Variants in MSANTD2 observed in about 807,000 individuals in gnomAD.
MSANTD2 encodes the protein Myb/SANT DNA binding domain containing 2.
MSANTD2 carries 19 observed loss-of-function variants against 52.6 expected under a neutral mutation model. The ratio of observed to expected loss-of-function variants is 0.36; its 90% CI spans 0.25 to 0.53. The LOEUF (loss-of-function observed/expected upper bound fraction) is 0.53. Ranked by LOEUF, MSANTD2 falls within the 20% of genes least tolerant of loss-of-function variation. MSANTD2 has a pLI of 0.91. For synonymous variants in MSANTD2, 291 were observed against 289.7 expected (o/e 1.00, Z -0.04); for missense variants, 558 against 716.3 (o/e 0.78, Z 2.52).
In MSANTD2 at chr11:124,774,712, T is replaced by G. The variant is rs762654953; in HGVS notation, c.766+7A>C. On this transcript the variant is annotated splice_region_variant and intron_variant, in intron 2 of 3. Transcript: ENST00000374979. The surrounding 1 kb of genome is among the most constrained non-coding windows in gnomAD (Gnocchi z 5.1). ...AACATAAGTATCATATATGTTGGCT[T>G]TCTTACCCAATTCCTGATCTGTTGG... The G allele has an allele frequency of 1.2e-6, 2 of 1,613,672 alleles. No homozygotes were observed. Among genetic ancestry groups the G allele is most frequent in the East Asian group, 4.5e-5 (2 of 44,890 alleles).
At chr11:124,792,539 G>C (rs938352491) in intron 1 of MSANTD2, 1 of 152,166 alleles carries the variant, frequency 6.6e-6, no homozygotes, top group East Asian at 1.9e-4. Flanking sequence ...CTACCTTTGA[G>C]TCCACCTTCA....
intron 1 of MSANTD2, chr11:124,792,260 T>C (rs1945357138): frequency 6.6e-6 from 1 of 152,408 alleles, no homozygotes; most frequent in Non-Finnish European, 1.5e-5. Flanking sequence ...GTATGTTCAC[T>C]ATAATGTCAT....
Position 124,800,353 on chromosome 11 carries a change from G to C in MSANTD2, c.28C>G (p.Pro10Ala). The C allele has an allele frequency of 6.5e-7, 1 of 1,543,196 alleles. No homozygotes were observed. The highest frequency in any genetic ancestry group is 8.7e-7 in the Non-Finnish European group (1 of 1,146,564). Residue 10 changes from proline to alanine, a missense_variant, in exon 1 of 4, where the codon CCC becomes GCC. Physicochemically the swap from Pro to Ala is conservative, Grantham distance 27. Around this residue, in one of 2 missense-constraint regions of MSANTD2, gnomAD observed 150 missense variants for 142.7 expected, o/e 1.05. Coordinates refer to ENST00000374979, the MANE Select transcript of MSANTD2 (RefSeq NM_001308027.2). The surrounding 1 kb of genome is among the most constrained non-coding windows in gnomAD (Gnocchi z 4.3). MAAPCGSELPANSPLKIPKM... is the reference protein window; with the variant it reads MAAPCGSELAANSPLKIPKM... Reference sequence around the variant, plus strand: ...GGAATTTTTAGCGGCGAGTTGGCGGGCAGCTCCGAGCCACAGGGCGCAGCC... The same window carrying C: ...GGAATTTTTAGCGGCGAGTTGGCGGCCAGCTCCGAGCCACAGGGCGCAGCC...
chr11:124,784,715 A>G (rs1591464293), intron 1 of MSANTD2: 1 of 955,610 alleles, frequency 1.0e-6, no homozygotes, highest in East Asian at 1.2e-4. Context: ...TAGTGCAAAG[A>G]TAACCTATAA....
intron 1 of MSANTD2, chr11:124,790,969 T>C (rs1174139865): frequency 5.8e-6 from 2 of 342,358 alleles, no homozygotes; most frequent in Non-Finnish European, 1.1e-5. Flanking sequence ...CACTGTATTA[T>C]CTTCTAGTCC....
chr11:124,794,493 T>C (rs1473057918), intron 1 of MSANTD2, among the ~76,000 whole-genome samples: 1 of 152,142 alleles, frequency 6.6e-6, no homozygotes, highest in Non-Finnish European at 1.5e-5. Context: ...ACTAAATATA[T>C]AAAAAATAAC....
At chr11:124,783,737 C>T in intron 1 of MSANTD2, 1 of 985,208 alleles carries the variant, frequency 1.0e-6, no homozygotes, top group South Asian at 4.7e-5. Flanking sequence ...TTCCTTCATG[C>T]TAGCAGCTGA....
chr11:124,793,796 A>ATT lies in MSANTD2; in HGVS notation c.510+6073_510+6074dup, dbSNP rs11353173. Among the ~76,000 whole-genome samples the ATT allele has an allele frequency of 6.8e-3, 1,013 of 148,478 alleles. 9 individuals are homozygous for ATT. Among genetic ancestry groups the ATT allele is most frequent in the African/African-American group, 0.023 (936 of 40,638 alleles). On this transcript the variant is annotated intron_variant, in intron 1 of 3. Transcript: ENST00000374979. ...GCACCACCTCCTGGAATGGCAGGCC[A>ATT]TTTTTTTTTTTTACTTTTATCAAGA...
At position 124,767,435 on chromosome 11, in the gene MSANTD2, T is replaced by A; in HGVS notation, c.1421A>T (p.Tyr474Phe). ...QVEIEPTRII[Y>F]CYLGIAEVRT... ...GACCTCAGCAATCCCGAGGTAGCAATAGATAATTCGGGTGGGTTCTATTTC... is the reference window on the plus strand; with the variant it reads ...GACCTCAGCAATCCCGAGGTAGCAAAAGATAATTCGGGTGGGTTCTATTTC... Residue 474 changes from tyrosine to phenylalanine, a missense_variant, in exon 4 of 4, where the codon TAT becomes TTT. This residue lies in a region of MSANTD2 where 408 missense variants were observed against 573.6 expected (regional missense o/e 0.71). Transcript: ENST00000374979. The surrounding 1 kb of genome is among the most constrained non-coding windows in gnomAD (Gnocchi z 6.5). 6.2e-7 allele frequency: 1 copy of A among 1,614,146 alleles called. No individual in the cohort carries two copies. The highest frequency in any genetic ancestry group is 8.5e-7 in the Non-Finnish European group (1 of 1,180,020).
intron 1 of MSANTD2, among the ~76,000 whole-genome samples, chr11:124,782,452 C>A (rs1265799093): frequency 3.3e-5 from 5 of 151,744 alleles, no homozygotes; most frequent in African/African-American, 1.2e-4. Flanking sequence ...ACCCCTGTCT[C>A]TAAAAAAAAT....
chr11:124,784,237 A>C (rs1441763579), intron 1 of MSANTD2: 1 of 985,184 alleles, frequency 1.0e-6, no homozygotes, highest in Non-Finnish European at 1.2e-6. Flanking sequence ...ATCACCTCTG[A>C]AGTTGCTAAG....
At chr11:124,796,725 G>C (rs1289744698) in intron 1 of MSANTD2, among the ~76,000 whole-genome samples, 1 of 152,170 alleles carries the variant, frequency 6.6e-6, no homozygotes, top group African/African-American at 2.4e-5. Context: ...ACTTTAGTCT[G>C]CGTAAGAAGT....
At chr11:124,791,381 G>A (rs764257502) in intron 1 of MSANTD2, 23 of 1,367,648 alleles carry the variant, frequency 1.7e-5, no homozygotes, top group Non-Finnish European at 2.2e-5. Flanking sequence ...GCATCATTAC[G>A]GGCTACATCA....
chr11:124,767,447 G>T lies in MSANTD2; in HGVS notation c.1409C>A (p.Thr470Asn). ...QASLQVEIEP[T>N]RIIYCYLGIA... ...CCCGAGGTAGCAATAGATAATTCGGGTGGGTTCTATTTCCACCTGTAATGA... is the reference window on the plus strand; with the variant it reads ...CCCGAGGTAGCAATAGATAATTCGGTTGGGTTCTATTTCCACCTGTAATGA... The change falls in exon 4 of 4, where the codon ACC becomes AAC. Residue 470 changes from threonine to asparagine, a missense_variant. Coordinates refer to ENST00000374979, the MANE Select transcript of MSANTD2 (RefSeq NM_001308027.2). This position sits in a 1 kb window ranked among gnomAD's most constrained non-coding sequence, Gnocchi z 6.5. 6.2e-7 allele frequency: 1 copy of T among 1,614,156 alleles called. No homozygotes were observed. The highest frequency in any genetic ancestry group is 8.5e-7 in the Non-Finnish European group (1 of 1,180,028).
At chr11:124,782,034 C>T (rs566230476) in intron 1 of MSANTD2, among the ~76,000 whole-genome samples, 2 of 152,332 alleles carry the variant, frequency 1.3e-5, no homozygotes, top group Admixed American at 6.5e-5. Context: ...TACTCTTCAT[C>T]ACCTGCTGAT....
In MSANTD2 at chr11:124,766,901, T is replaced by C. The variant is rs1197965550; in HGVS notation, c.*275A>G. The C allele has an allele frequency of 6.5e-6, 2 of 306,194 alleles. No homozygotes were observed. The highest frequency in any genetic ancestry group is 4.5e-5 in the Admixed American group (1 of 22,030). The allele number at this position is 306,194 out of a possible 1,614,324, so 19.0% of individuals were successfully genotyped here. A position where few individuals can be genotyped will look rare whatever the true frequency, so the allele number is the denominator to read the frequency against. ...GTTTATATTAGGGCTCTAAAATCCA[T>C]TTAAAAATTGTTTTTCTGTTTTTAA... On this transcript the variant is annotated 3_prime_UTR_variant, in exon 4 of 4. Transcript: ENST00000374979.
chr11:124,790,647 T>C (rs1289878816), intron 1 of MSANTD2: 1 of 152,300 alleles, frequency 6.6e-6, no homozygotes, highest in African/African-American at 2.4e-5. Context: ...TGATTCTCCA[T>C]ATTACAGCCA....
chr11:124,797,134 T>C (rs573477226), intron 1 of MSANTD2, among the ~76,000 whole-genome samples: 7 of 152,210 alleles, frequency 4.6e-5, no homozygotes, highest in Non-Finnish European at 1.0e-4. Context: ...TATTGAATAA[T>C]ACTGCTGCAG....
chr11:124,791,538 G>A lies in MSANTD2; in HGVS notation c.510+8333C>T. The A allele has an allele frequency of 3.5e-6, 4 of 1,157,668 alleles. No individual in the cohort carries two copies. In the Admixed American group the frequency reaches 5.8e-5, roughly 17 times the overall value. The allele number at this position is 1,157,668 out of a possible 1,614,324, so 71.7% of individuals were successfully genotyped here. ...AAGGGATAAATGAAACGACAGAAGG[G>A]TGCAGACAGAAGGGTCACCAATGTG... On this transcript the variant is annotated intron_variant, in intron 1 of 3. Coordinates refer to ENST00000374979, the MANE Select transcript of MSANTD2 (RefSeq NM_001308027.2).
Sources: gnomAD v4.1 joint callset for allele counts (sites outside exome capture counted in the v4.1 genomes callset) on GRCh38, gnomAD v4.1.1 for gene constraint, gnomAD v4.1.1 regional missense constraint, Gnocchi (gnomAD v3.1) non-coding constraint, MANE v1.5 for transcripts, NCBI Gene and HGNC (gene_info 2026-07-23, HGNC 2026-07-21) for gene names.